The following HMCN1 variants were observed in gnomAD, a reference collection of about 807,000 sequenced individuals.
The protein encoded by HMCN1 is hemicentin-1.
HMCN1 carries 321 observed loss-of-function variants against 625.9 expected under a neutral mutation model. The observed-to-expected ratio is 0.51, with a 90% CI of 0.47 to 0.56. HMCN1 has a LOEUF of 0.56. HMCN1 is among the 20% of genes least tolerant of loss of function. The pLI, the probability that HMCN1 is intolerant of heterozygous loss-of-function variation, is 0.00. For missense variants in HMCN1, 6,588 were observed against 6,887.3 expected (o/e 0.96, Z 1.54); for synonymous variants, 2,425 against 2,417.6 (o/e 1.00, Z -0.09).
chr1:185,881,666 G>A (rs557318608), intron 4 of HMCN1, among the ~76,000 whole-genome samples: 1 of 152,232 alleles, frequency 6.6e-6, no homozygotes, highest in South Asian at 2.1e-4. Flanking sequence ...TCTGCCTCCT[G>A]CCCCTATCAC....
In HMCN1 at chr1:186,158,535, C is replaced by A. The variant is rs570626730; in HGVS notation, c.15256+4548C>A. Among the ~76,000 whole-genome samples, 11 of 152,252 alleles carry A rather than the reference C, an allele frequency of 7.2e-5. 2 individuals are homozygous for A. The South Asian group carries it at 2.3e-3, about 32-fold the overall frequency. On this transcript the variant is annotated intron_variant, in intron 97 of 106. Transcript: ENST00000271588. ...TGTGCTTATGTCCTGAATGGTAATGCCTAGGTTTTCTTCTAGGGTTTTTAT... is the reference window on the plus strand; with the variant it reads ...TGTGCTTATGTCCTGAATGGTAATGACTAGGTTTTCTTCTAGGGTTTTTAT...
At chr1:186,125,865 AGCATGGAAGTATATTCT>A in intron 82 of HMCN1, 71 bp downstream of exon 82, 3 of 1,139,674 alleles carry the variant, frequency 2.6e-6, no homozygotes, top group South Asian at 1.3e-5. Context: ...TTAGTAATTT[AGCATGGAAGTATATTCT>A]TTAATAATTA....
intron 10 of HMCN1, among the ~76,000 whole-genome samples, chr1:185,932,617 G>A (rs1279281705): frequency 1.3e-5 from 2 of 152,000 alleles, no homozygotes; most frequent in Non-Finnish European, 1.5e-5. Flanking sequence ...GCTAACACAG[G>A]AACAGAAAAC....
Position 186,003,764 on chromosome 1 carries a change from T to G in HMCN1, c.4395T>G (p.Val1465=). ...CCAACTTCCCAAATGAAGTCTCAGT[T>G]GTCCTCAACCGTGACGTCGCCCTTG... ...IGTNFPNEVS[V]VLNRDVALEC... The change falls in exon 29 of 107, where the codon GTT becomes GTG. Residue 1465 remains valine (V), a synonymous_variant. Transcript: ENST00000271588. The G allele has an allele frequency of 6.2e-7, 1 of 1,613,254 alleles. No individual in the cohort carries two copies. Among genetic ancestry groups the G allele is most frequent in the Non-Finnish European group, 8.5e-7 (1 of 1,179,324 alleles).
chr1:185,984,115 A>T, intron 18 of HMCN1, 54 bp from the exon 19 acceptor site: 1 of 1,455,734 alleles, frequency 6.9e-7, no homozygotes, highest in African/African-American at 1.4e-5. Flanking sequence ...TTCATTTTTG[A>T]CTCTCACAAA....
rs79891939 is a variant in HMCN1 at position 185,956,187 on chromosome 1, GAT to G, written c.1829-6328_1829-6327del. Among the ~76,000 whole-genome samples, 2,321 of 152,198 alleles carry G rather than the reference GAT, an allele frequency of 0.015. 141 individuals are homozygous for G. In the East Asian group the frequency reaches 0.19, roughly 13 times the overall value. On this transcript the variant is annotated intron_variant, in intron 11 of 106. Coordinates refer to ENST00000271588, the MANE Select transcript of HMCN1 (RefSeq NM_031935.3). ...ATACCGAACTTCACTTCTGACATCA[GAT>G]ATGTGGGATTTTTTTTTCCCTCATA...
chr1:185,893,714 T>A (rs997248846), intron 4 of HMCN1, among the ~76,000 whole-genome samples: 6 of 152,172 alleles, frequency 3.9e-5, no homozygotes, highest in African/African-American at 1.4e-4. Flanking sequence ...TTGACAAATA[T>A]AAAAAACATG....
At position 186,117,727 on chromosome 1, in the gene HMCN1, T is replaced by C; in HGVS notation, c.11848+104T>C. 2 of 1,126,682 alleles carry C rather than the reference T, an allele frequency of 1.8e-6. 1 individual carries two copies. The highest frequency in any genetic ancestry group is 2.7e-6 in the Non-Finnish European group (2 of 746,926). 69.8% of individuals were successfully genotyped at this position (1,126,682 alleles called of 1,614,324 possible). A position where few individuals can be genotyped will look rare whatever the true frequency, so the allele number is the denominator to read the frequency against. On this transcript the variant is annotated intron_variant, in intron 77 of 106. Transcript: ENST00000271588. ...CCAGAATAAAAGAATAAAATATGCA[T>C]GCATTCTTGAACTTAAAAATCTGGA...
At chr1:185,933,881 A>G in intron 11 of HMCN1, 57 bp downstream of exon 11, 1 of 1,536,836 alleles carries the variant, frequency 6.5e-7, no homozygotes, top group Non-Finnish European at 9.0e-7. Flanking sequence ...TATTTTTAAA[A>G]TTTTTGTCCT....
chr1:185,913,556 C>G (rs764409473), intron 6 of HMCN1, among the ~76,000 whole-genome samples: 6 of 152,092 alleles, frequency 3.9e-5, no homozygotes, highest in Non-Finnish European at 7.4e-5. Flanking sequence ...TTTTTTCTTG[C>G]TTTCTGAATA....
intron 97 of HMCN1, among the ~76,000 whole-genome samples, chr1:186,156,724 A>G (rs1338722293): frequency 6.6e-6 from 1 of 152,236 alleles, no homozygotes; most frequent in East Asian, 1.9e-4. Flanking sequence ...TAATAGAAAA[A>G]TATTAAATAT....
At chr1:185,792,696 T>G (rs1232836124) in intron 1 of HMCN1, among the ~76,000 whole-genome samples, 3 of 152,226 alleles carry the variant, frequency 2.0e-5, no homozygotes, top group Non-Finnish European at 4.4e-5. Context: ...TGGTTCCTAC[T>G]GAGGAGTTTC....
intron 1 of HMCN1, among the ~76,000 whole-genome samples, chr1:185,780,777 G>A (rs953107609): frequency 6.8e-4 from 103 of 152,234 alleles, no homozygotes; most frequent in Middle Eastern, 3.4e-3. Context: ...TTTTTGCATC[G>A]ATGTTGATCA....
intron 1 of HMCN1, among the ~76,000 whole-genome samples, chr1:185,832,209 T>A (rs190042409): frequency 6.6e-6 from 1 of 152,088 alleles, no homozygotes; most frequent in Non-Finnish European, 1.5e-5. Flanking sequence ...TGTGGGAGAA[T>A]CGCTTGAACC....
At position 186,002,562 on chromosome 1, in the gene HMCN1, C is replaced by T. The variant is rs80034028; in HGVS notation, c.4348+821C>T. Among the ~76,000 whole-genome samples the T allele has an allele frequency of 3.3e-3, 497 of 152,140 alleles. 4 individuals are homozygous for T. The highest frequency in any genetic ancestry group is 8.3e-3 in the African/African-American group (345 of 41,538). Reference sequence around the variant, plus strand: ...AAGTATGAGTTATAAAAACAAATTACGAAATCATTGTTATCATGAGTCTTG... The same window carrying T: ...AAGTATGAGTTATAAAAACAAATTATGAAATCATTGTTATCATGAGTCTTG... On this transcript the variant is annotated intron_variant, in intron 28 of 106. Coordinates refer to ENST00000271588, the MANE Select transcript of HMCN1 (RefSeq NM_031935.3).
chr1:185,911,857 T>C, intron 6 of HMCN1, 77 bp downstream of exon 6: 1 of 1,053,606 alleles, frequency 9.5e-7, no homozygotes, highest in South Asian at 1.3e-5. Context: ...ACAATGGTTT[T>C]TTTAAACATA....
intron 52 of HMCN1, among the ~76,000 whole-genome samples, chr1:186,073,380 A>G (rs139079115): frequency 2.4e-4 from 36 of 152,282 alleles, no homozygotes; most frequent in African/African-American, 8.7e-4. Context: ...AACTGAAGGA[A>G]AGTAATTGGA....
intron 51 of HMCN1, among the ~76,000 whole-genome samples, chr1:186,070,074 CT>C (rs1658389983): frequency 1.3e-5 from 2 of 152,162 alleles, no homozygotes; most frequent in Non-Finnish European, 2.9e-5. Flanking sequence ...AGATGTAGTA[CT>C]TTCATGTACA....
chr1:185,859,443 A>T (rs1020602489), intron 2 of HMCN1, among the ~76,000 whole-genome samples: 1 of 152,204 alleles, frequency 6.6e-6, no homozygotes. Context: ...TAATCTATTT[A>T]CTTAACTGAA....
Sources: gnomAD v4.1 joint callset for allele counts (sites outside exome capture counted in the v4.1 genomes callset) on GRCh38, gnomAD v4.1.1 for gene constraint, MANE v1.5 for transcripts, NCBI Gene and HGNC (gene_info 2026-07-23, HGNC 2026-07-21) for gene names.